PIK3R3: variants seen among roughly 807,000 people sequenced by gnomAD.
The protein encoded by PIK3R3 is phosphatidylinositol 3-kinase regulatory subunit gamma.
PIK3R3 carries 64 observed loss-of-function variants against 62.9 expected under a neutral mutation model. That is an observed-to-expected ratio of 1.02 (90% CI 0.83 to 1.25). The LOEUF (loss-of-function observed/expected upper bound fraction) is 1.25, where lower values mean the gene tolerates loss of function less well. PIK3R3 is among the 50% of genes most tolerant of loss of function. The pLI, the probability that PIK3R3 is intolerant of heterozygous loss-of-function variation, is 0.00. For missense variants in PIK3R3, 614 were observed against 561.6 expected (o/e 1.09, Z -0.94); for synonymous variants, 165 against 189.0 (o/e 0.87, Z 1.04).
At chr1:46,122,334 T>C (rs785496) in intron 1 of PIK3R3, among the ~76,000 whole-genome samples, 108,896 of 151,994 alleles carry the variant, frequency 0.72, 39,147 homozygotes, top group African/African-American at 0.75. Flanking sequence ...TGGCCCTGTG[T>C]TATTTAAAAC....
At chr1:46,153,770 T>C in the PIK3R3 span, among the ~76,000 whole-genome samples, 1 of 152,258 alleles carries the variant, frequency 6.6e-6, no homozygotes, top group African/African-American at 2.4e-5. Flanking sequence ...GCCACATGTC[T>C]GTCTTTCCCT....
At chr1:46,161,707 C>T in the PIK3R3 span, among the ~76,000 whole-genome samples, 1 of 151,974 alleles carries the variant, frequency 6.6e-6, no homozygotes, top group Non-Finnish European at 1.5e-5. Context: ...TGAATAGCCA[C>T]TGCACTCCTG....
chr1:46,104,618 A>G (rs1408584946), intron 1 of PIK3R3, among the ~76,000 whole-genome samples: 4 of 152,004 alleles, frequency 2.6e-5, no homozygotes, highest in Admixed American at 6.6e-5. Flanking sequence ...CACCTTCACA[A>G]TGTTTCCCTT....
chr1:46,065,043 G>A (rs935921919), intron 5 of PIK3R3, among the ~76,000 whole-genome samples: 1 of 152,168 alleles, frequency 6.6e-6, no homozygotes, highest in Admixed American at 6.5e-5. Flanking sequence ...AATCAACATA[G>A]ACTAATGCTT....
At chr1:46,148,143 C>A in the PIK3R3 span, among the ~76,000 whole-genome samples, 5 of 152,210 alleles carry the variant, frequency 3.3e-5, no homozygotes, top group African/African-American at 1.2e-4. Context: ...GGTGATATTA[C>A]ACCTTTCACT....
At chr1:46,087,195 A>C (rs1651145621) in intron 1 of PIK3R3, among the ~76,000 whole-genome samples, 1 of 152,168 alleles carries the variant, frequency 6.6e-6, no homozygotes, top group Admixed American at 6.5e-5. Context: ...CAGCACACCA[A>C]CATGGCACAT....
At chr1:46,125,501 G>A (rs936964883) in intron 1 of PIK3R3, among the ~76,000 whole-genome samples, 7 of 152,188 alleles carry the variant, frequency 4.6e-5, no homozygotes, top group Non-Finnish European at 7.3e-5. Flanking sequence ...TGAAGTGGCA[G>A]ATGACCTATT....
chr1:46,174,771 C>A, the PIK3R3 span, among the ~76,000 whole-genome samples: 1 of 152,164 alleles, frequency 6.6e-6, no homozygotes, highest in Non-Finnish European at 1.5e-5. Context: ...ACTTTCTGGG[C>A]TCAAACTCAG....
intron 3 of PIK3R3, 101 bp downstream of exon 3, chr1:46,077,414 G>A: frequency 2.0e-6 from 1 of 503,770 alleles, no homozygotes; most frequent in Admixed American, 3.4e-5. Flanking sequence ...ATGAAAATAT[G>A]AAAAATTGTA....
chr1:46,123,603 A>C (rs1390564534), intron 1 of PIK3R3, among the ~76,000 whole-genome samples: 1 of 152,224 alleles, frequency 6.6e-6, no homozygotes. Context: ...ACAAACTTAT[A>C]GTGAGGGGTA....
intron 1 of PIK3R3, among the ~76,000 whole-genome samples, chr1:46,126,148 C>T (rs1350485362): frequency 6.6e-6 from 1 of 151,866 alleles, no homozygotes; most frequent in East Asian, 1.9e-4. Flanking sequence ...GCCATTTTCA[C>T]TCTCATTCTC....
intron 6 of PIK3R3, chr1:46,056,224 TATTTTTAGTAGAG>T: frequency 3.5e-6 from 1 of 287,044 alleles, no homozygotes; most frequent in Non-Finnish European, 6.5e-6. Context: ...CTAATTTTTG[TATTTTTAGTAGAG>T]ATGGGGTTTT....
chr1:46,082,091 CA>C (rs1421533815), intron 1 of PIK3R3, among the ~76,000 whole-genome samples: 1 of 152,006 alleles, frequency 6.6e-6, no homozygotes, highest in Non-Finnish European at 1.5e-5. Flanking sequence ...ATCCTAACTG[CA>C]AAAGGAAAAA....
At chr1:46,110,854 G>A (rs1407371290) in intron 1 of PIK3R3, among the ~76,000 whole-genome samples, 4 of 145,632 alleles carry the variant, frequency 2.7e-5, no homozygotes, top group African/African-American at 1.0e-4. Context: ...GGTCAGCCTG[G>A]GAACAGAAAA....
chr1:46,093,964 G>T (rs1364538722), intron 1 of PIK3R3, among the ~76,000 whole-genome samples: 1 of 151,666 alleles, frequency 6.6e-6, no homozygotes, highest in Non-Finnish European at 1.5e-5. Context: ...AGCTGTTTAG[G>T]AGGCTGAGGT....
At chr1:46,136,878 T>C (rs1655954082), upstream of PIK3R3, among the ~76,000 whole-genome samples, 1 of 152,128 alleles carries the variant, frequency 6.6e-6, no homozygotes, top group African/African-American at 2.4e-5. Context: ...GGCAACAGAT[T>C]TCAGCTCAGC....
At chr1:46,075,153 G>A (rs1649949820) in intron 3 of PIK3R3, among the ~76,000 whole-genome samples, 1 of 152,200 alleles carries the variant, frequency 6.6e-6, no homozygotes, top group South Asian at 2.1e-4. Flanking sequence ...TAAATTAGAA[G>A]TATCAAATGC....
intron 7 of PIK3R3, among the ~76,000 whole-genome samples, chr1:46,053,649 G>GC (rs2149382286): frequency 6.6e-6 from 1 of 152,228 alleles, no homozygotes; most frequent in South Asian, 2.1e-4. Context: ...CACCAAATCT[G>GC]CCAGTGCCTT....
At chr1:46,084,696 TC>T (rs1350162322) in intron 1 of PIK3R3, among the ~76,000 whole-genome samples, 2 of 152,162 alleles carry the variant, frequency 1.3e-5, no homozygotes, top group African/African-American at 2.4e-5. Flanking sequence ...GACAAGGTGT[TC>T]CCTGCACTCA....
Sources: gnomAD v4.1 joint callset for allele counts (sites outside exome capture counted in the v4.1 genomes callset) on GRCh38, gnomAD v4.1.1 for gene constraint, MANE v1.5 for transcripts, NCBI Gene and HGNC (gene_info 2026-07-23, HGNC 2026-07-21) for gene names.